The following DACH1 variants were observed in gnomAD, a reference collection of about 807,000 sequenced individuals.
DACH1 encodes dachshund family transcription factor 1, also known as dachshund homolog 1.
In DACH1, 12 loss-of-function variants were observed where a neutral mutation model predicts 54.2. That is an observed-to-expected ratio of 0.22 (90% CI 0.14 to 0.36). The LOEUF (loss-of-function observed/expected upper bound fraction) is 0.36. Among genes scored for constraint, DACH1 ranks in the 10% least tolerant of loss-of-function variants. DACH1 has a pLI of 1.00. For missense variants in DACH1, 805 were observed against 929.8 expected (o/e 0.87, Z 1.75); for synonymous variants, 386 against 366.2 (o/e 1.05, Z -0.62).
intron 8 of DACH1, among the ~76,000 whole-genome samples, chr13:71,478,883 T>A (rs1335297549): frequency 6.6e-6 from 1 of 152,190 alleles, no homozygotes; most frequent in Non-Finnish European, 1.5e-5. Flanking sequence ...CATTAGAGTT[T>A]ATTCTTATCT....
intron 3 of DACH1, among the ~76,000 whole-genome samples, chr13:71,596,037 T>C (rs1304575219): frequency 1.3e-5 from 2 of 152,068 alleles, no homozygotes. Context: ...CATACTAAAC[T>C]CCTACTTGAA....
intron 1 of DACH1, among the ~76,000 whole-genome samples, chr13:71,788,064 CTA>C (rs1444527553): frequency 6.6e-6 from 1 of 152,084 alleles, no homozygotes; most frequent in Non-Finnish European, 1.5e-5. Flanking sequence ...TATAAACACA[CTA>C]TGTGTGTATG....
At chr13:71,615,420 T>C (rs1875687497) in intron 3 of DACH1, among the ~76,000 whole-genome samples, 1 of 152,194 alleles carries the variant, frequency 6.6e-6, no homozygotes. Flanking sequence ...TAAAGTAATG[T>C]CTGTGTTTAG....
At chr13:71,854,072 A>G (rs1229991110) in intron 1 of DACH1, among the ~76,000 whole-genome samples, 1 of 152,148 alleles carries the variant, frequency 6.6e-6, no homozygotes, top group Non-Finnish European at 1.5e-5. Context: ...CTCTCCAAAA[A>G]AAAGAGAGCA....
rs540107290 is a variant in DACH1 at position 71,692,335 on chromosome 13, T to C, written c.849-10425A>G. Reference sequence around the variant, plus strand: ...GCACATAATTATTCTCTAATAGTTTTATACGTCAAATCTTCTCTGTCTGTA... The same window carrying C: ...GCACATAATTATTCTCTAATAGTTTCATACGTCAAATCTTCTCTGTCTGTA... On this transcript the variant is annotated intron_variant, in intron 1 of 10. Coordinates refer to ENST00000613252, the MANE Select transcript of DACH1 (RefSeq NM_080759.6). Among the ~76,000 whole-genome samples the C allele has an allele frequency of 2.0e-5, 3 of 152,132 alleles. No homozygotes were observed. The East Asian group carries it at 5.8e-4, about 29-fold the overall frequency.
chr13:71,688,270 G>A (rs945040987), intron 1 of DACH1, among the ~76,000 whole-genome samples: 21 of 152,100 alleles, frequency 1.4e-4, no homozygotes, highest in African/African-American at 3.4e-4. Context: ...TCAATATTTC[G>A]CCAAAAGAAG....
intron 1 of DACH1, among the ~76,000 whole-genome samples, chr13:71,795,025 T>C (rs1326785860): frequency 1.3e-5 from 2 of 152,076 alleles, no homozygotes; most frequent in Non-Finnish European, 2.9e-5. Flanking sequence ...TAAACCATTA[T>C]TGGAAGTCCT....
intron 1 of DACH1, among the ~76,000 whole-genome samples, chr13:71,852,141 G>A (rs1254064106): frequency 2.0e-5 from 3 of 152,170 alleles, no homozygotes; most frequent in Non-Finnish European, 4.4e-5. Context: ...AAGCTCAAAT[G>A]TATTAAACAT....
intron 2 of DACH1, among the ~76,000 whole-genome samples, chr13:71,657,242 T>C (rs1025476901): frequency 8.6e-5 from 13 of 151,972 alleles, no homozygotes; most frequent in Non-Finnish European, 1.3e-4. Context: ...TGTACATGGT[T>C]GACATTCAAA....
At chr13:71,443,348 C>A (rs1344643860) in intron 10 of DACH1, among the ~76,000 whole-genome samples, 1 of 151,870 alleles carries the variant, frequency 6.6e-6, no homozygotes, top group Admixed American at 6.6e-5. Flanking sequence ...AATGCCAGCA[C>A]TTTGGGAGGC....
intron 3 of DACH1, among the ~76,000 whole-genome samples, chr13:71,611,054 G>A (rs955710330): frequency 2.0e-5 from 3 of 152,100 alleles, no homozygotes; most frequent in South Asian, 2.1e-4. Flanking sequence ...CGTTGTGAAC[G>A]TTGCATTATG....
chr13:71,778,682 T>C (rs1341905797), intron 1 of DACH1, among the ~76,000 whole-genome samples: 1 of 152,140 alleles, frequency 6.6e-6, no homozygotes, highest in Non-Finnish European at 1.5e-5. Flanking sequence ...AGAAATCATA[T>C]GTTTTAAGCA....
intron 1 of DACH1, among the ~76,000 whole-genome samples, chr13:71,736,837 C>T (rs976380472): frequency 6.6e-6 from 1 of 152,168 alleles, no homozygotes; most frequent in Non-Finnish European, 1.5e-5. Flanking sequence ...ATACCATGTG[C>T]TCAGCTCTGT....
At chr13:71,822,744 G>T (rs996418664) in intron 1 of DACH1, among the ~76,000 whole-genome samples, 3 of 152,146 alleles carry the variant, frequency 2.0e-5, no homozygotes, top group Non-Finnish European at 4.4e-5. Flanking sequence ...AAATCTCCAT[G>T]CTGGAGCAAG....
intron 1 of DACH1, among the ~76,000 whole-genome samples, chr13:71,812,504 GGCATCAAAATGGCACCATCAGAAAC>G (rs1887751215): frequency 7.1e-6 from 1 of 141,520 alleles, no homozygotes; most frequent in Non-Finnish European, 1.6e-5. Flanking sequence ...GGTGGTTAGA[GGCATCAAAATGGCACCATCAGAAAC>G]ACATCAAAAT....
intron 3 of DACH1, among the ~76,000 whole-genome samples, chr13:71,613,660 A>T (rs1239906487): frequency 6.6e-6 from 1 of 152,256 alleles, no homozygotes; most frequent in Admixed American, 6.5e-5. Context: ...CAGATTACAC[A>T]TGTTAAGGAT....
rs970156794 is a variant in DACH1 at position 71,438,263 on chromosome 13, C to T, written c.*2392G>A. 2 of 152,142 alleles carry T rather than the reference C, an allele frequency of 1.3e-5. No homozygotes were observed. Among genetic ancestry groups the T allele is most frequent in the African/African-American group, 4.8e-5 (2 of 41,344 alleles). 9.4% of individuals were successfully genotyped at this position (152,142 alleles called of 1,614,324 possible). A position where few individuals can be genotyped will look rare whatever the true frequency, so the allele number is the denominator to read the frequency against. Reference sequence around the variant, plus strand: ...CTGTTCCAAGGGCTTGCATAGAGCGCAAATGTGGTTATAATATAGAACAAC... The same window carrying T: ...CTGTTCCAAGGGCTTGCATAGAGCGTAAATGTGGTTATAATATAGAACAAC... On this transcript the variant is annotated 3_prime_UTR_variant, in exon 11 of 11. Transcript: ENST00000613252.
At chr13:71,491,090 C>T (rs1878941228) in intron 6 of DACH1, among the ~76,000 whole-genome samples, 1 of 152,108 alleles carries the variant, frequency 6.6e-6, no homozygotes, top group East Asian at 1.9e-4. Context: ...AACTTCAGTG[C>T]ATTTATGCTT....
At chr13:71,540,240 G>A (rs1382418782) in intron 6 of DACH1, among the ~76,000 whole-genome samples, 1 of 151,944 alleles carries the variant, frequency 6.6e-6, no homozygotes, top group Non-Finnish European at 1.5e-5. Context: ...AATCTACACA[G>A]CATCTGGAAA....
Sources: allele counts gnomAD v4.1 joint callset (sites outside exome capture counted in the v4.1 genomes callset), GRCh38; gene constraint gnomAD v4.1.1; transcripts MANE v1.5; gene names NCBI Gene and HGNC (gene_info 2026-07-23, HGNC 2026-07-21).